DAB1: variants seen among roughly 807,000 people sequenced by gnomAD.
DAB1 encodes DAB adaptor protein 1.
A neutral mutation model predicts 64.6 loss-of-function variants in DAB1; 15 were observed. That is an observed-to-expected ratio of 0.23 (90% CI 0.16 to 0.36). The LOEUF (loss-of-function observed/expected upper bound fraction) is 0.36, where lower values mean the gene tolerates loss of function less well. Among genes scored for constraint, DAB1 ranks in the 10% least tolerant of loss-of-function variants. The pLI is 1.00. For missense variants in DAB1, 596 were observed against 706.7 expected, an observed-to-expected ratio of 0.84 and a Z score of 1.78; for synonymous variants, 235 against 251.9, an observed-to-expected ratio of 0.93 and a Z score of 0.64.
chr1:57,659,994 T>TAAATAAAA (rs1388393809), intron 6 of DAB1, among the ~76,000 whole-genome samples: 6 of 142,230 alleles, frequency 4.2e-5, no homozygotes, highest in Admixed American at 4.1e-4. Context: ...AATAAATAAA[T>TAAATAAAA]AAATAAATAA....
intron 1 of DAB1, among the ~76,000 whole-genome samples, chr1:57,415,415 G>A (rs1684422379): frequency 6.6e-6 from 1 of 151,970 alleles, no homozygotes; most frequent in African/African-American, 2.4e-5. Context: ...TCTGAAACAA[G>A]ACATAAAAAG....
chr1:58,249,192 A>G (rs1660686542), intron 4 of DAB1, among the ~76,000 whole-genome samples: 1 of 151,778 alleles, frequency 6.6e-6, no homozygotes, highest in South Asian at 2.1e-4. Flanking sequence ...GCACACACAC[A>G]CACATTCTCT....
intron 3 of DAB1, among the ~76,000 whole-genome samples, chr1:58,502,265 T>C (rs924896183): frequency 2.0e-5 from 3 of 152,196 alleles, no homozygotes; most frequent in African/African-American, 7.2e-5. Flanking sequence ...GCTTTCTTGG[T>C]TTCCTATTTG....
chr1:57,594,452 C>A (rs1436016100), intron 7 of DAB1, among the ~76,000 whole-genome samples: 2 of 151,970 alleles, frequency 1.3e-5, no homozygotes, highest in Non-Finnish European at 2.9e-5. Context: ...GAGACCACAG[C>A]CAGTAGGGTG....
At chr1:57,711,925 T>C (rs1451415144) in intron 6 of DAB1, among the ~76,000 whole-genome samples, 1 of 152,170 alleles carries the variant, frequency 6.6e-6, no homozygotes. Flanking sequence ...AAATCAAAAA[T>C]TGTATAGGTA....
intron 4 of DAB1, among the ~76,000 whole-genome samples, chr1:58,217,305 G>C (rs886885398): frequency 3.9e-5 from 6 of 152,318 alleles, no homozygotes; most frequent in Non-Finnish European, 7.3e-5. Context: ...AAGGGCCCAA[G>C]CAGGACCTGG....
At chr1:57,851,074 A>C (rs1275730322) in intron 1 of DAB1, among the ~76,000 whole-genome samples, 2 of 152,204 alleles carry the variant, frequency 1.3e-5, no homozygotes, top group Non-Finnish European at 2.9e-5. Flanking sequence ...ATTATGGTTT[A>C]AACATAGGTA....
intron 6 of DAB1, among the ~76,000 whole-genome samples, chr1:57,666,565 G>T (rs1646449882): frequency 6.6e-6 from 1 of 152,124 alleles, no homozygotes; most frequent in South Asian, 2.1e-4. Context: ...TCAGAAAATT[G>T]CAACTGCATT....
chr1:57,630,271 A>C (rs941635420), intron 7 of DAB1, among the ~76,000 whole-genome samples: 2 of 152,166 alleles, frequency 1.3e-5, no homozygotes, highest in Non-Finnish European at 2.9e-5. Context: ...CTGGAAGGAG[A>C]TCTTGAGAGG....
At chr1:58,228,870 G>A in intron 4 of DAB1, 1 of 577,306 alleles carries the variant, frequency 1.7e-6, no homozygotes, top group Non-Finnish European at 3.3e-6. Flanking sequence ...CAGGACAGAG[G>A]CCCAGAGCAT....
rs571984258 is a variant in DAB1, at chr1:57,451,163, C to G, written n.626-159997G>C. The stretch of plus-strand genomic sequence containing the variant: ...CCCCAGATTCCACCAGGACCACCAG[C>G]TTTGACACACCCCTGCATTTGTCTT... On this transcript the variant is annotated intron_variant and non_coding_transcript_variant, in intron 7 of 20. Transcript: ENST00000485760. 3.9e-5 allele frequency among the ~76,000 whole-genome samples: 6 copies of G among 152,332 alleles called. No individual in the cohort carries two copies. The East Asian group carries it at 1.2e-3, about 29-fold the overall frequency.
intron 4 of DAB1, among the ~76,000 whole-genome samples, chr1:58,334,481 TCTTA>T (rs1380967994): frequency 1.3e-5 from 2 of 151,830 alleles, no homozygotes. Context: ...TTTTCTCATT[TCTTA>T]CTTAATCAAC....
chr1:58,009,448 G>A (rs550978318), intron 5 of DAB1, among the ~76,000 whole-genome samples: 2 of 152,252 alleles, frequency 1.3e-5, no homozygotes, highest in African/African-American at 4.8e-5. Context: ...ATAGCTTGCT[G>A]GGAATCATAT....
chr1:57,636,820 A>G (rs868053757), intron 7 of DAB1, among the ~76,000 whole-genome samples: 1 of 152,226 alleles, frequency 6.6e-6, no homozygotes, highest in Non-Finnish European at 1.5e-5. Flanking sequence ...AGTTGCCAGC[A>G]GACATCCAAT....
At chr1:57,329,593 A>G (rs1676472074) in intron 1 of DAB1, among the ~76,000 whole-genome samples, 1 of 151,274 alleles carries the variant, frequency 6.6e-6, no homozygotes, top group South Asian at 2.1e-4. Context: ...TTGATTTAGC[A>G]AGGCTATTGA....
chr1:57,678,507 G>T (rs1406813877), intron 6 of DAB1, among the ~76,000 whole-genome samples: 1 of 152,118 alleles, frequency 6.6e-6, no homozygotes, highest in Non-Finnish European at 1.5e-5. Context: ...AAACTATGGG[G>T]ACCAGTTAGT....
intron 2 of DAB1, among the ~76,000 whole-genome samples, chr1:57,264,447 T>A (rs1313052336): frequency 6.6e-6 from 1 of 152,238 alleles, no homozygotes; most frequent in East Asian, 1.9e-4. Context: ...TTCTGATATC[T>A]TTCTAATCTG....
chr1:58,171,920 T>G (rs1291050731), intron 4 of DAB1, among the ~76,000 whole-genome samples: 3 of 152,250 alleles, frequency 2.0e-5, no homozygotes, highest in Non-Finnish European at 4.4e-5. Context: ...AGGCCTAATC[T>G]TAGCCAAAGG....
chr1:57,207,446 CTT>C (rs772989513), intron 2 of DAB1, among the ~76,000 whole-genome samples: 11 of 98,430 alleles, frequency 1.1e-4, no homozygotes, highest in Admixed American at 2.4e-4. Context: ...TATTTCCTTT[CTT>C]TTTTTTTTTT....
Sources: allele counts gnomAD v4.1 joint callset (sites outside exome capture counted in the v4.1 genomes callset), GRCh38; gene constraint gnomAD v4.1.1; transcripts MANE v1.5; gene names NCBI Gene and HGNC (gene_info 2026-07-23, HGNC 2026-07-21).